GRM7: variants seen among roughly 807,000 people sequenced by gnomAD.
GRM7 encodes the protein glutamate metabotropic receptor 7.
In GRM7, 35 loss-of-function variants were observed where a neutral mutation model predicts 84.5. The ratio of observed to expected loss-of-function variants is 0.41; its 90% CI spans 0.32 to 0.55. The LOEUF (loss-of-function observed/expected upper bound fraction) is 0.55. Among genes scored for constraint, GRM7 ranks in the 20% least tolerant of loss-of-function variants. The pLI, the probability that GRM7 is intolerant of heterozygous loss-of-function variation, is 0.19. For synonymous variants in GRM7, 487 were observed against 455.1 expected (o/e 1.07, Z -0.89); for missense variants, 1,003 against 1,194.6 (o/e 0.84, Z 2.36).
chr3:7,321,573 A>G (rs1407133044), intron 4 of GRM7, among the ~76,000 whole-genome samples: 1 of 151,004 alleles, frequency 6.6e-6, no homozygotes, highest in Non-Finnish European at 1.5e-5. Flanking sequence ...ATTTTATTTC[A>G]TAGTTTAACA....
At chr3:7,259,949 A>ATTTTTTTTT (rs1698349793) in intron 2 of GRM7, among the ~76,000 whole-genome samples, 1 of 12,438 alleles carries the variant, frequency 8.0e-5, no homozygotes, top group Non-Finnish European at 1.2e-4. Context: ...CCTTACCAGC[A>ATTTTTTTTT]TCTGTTTTTT....
At chr3:7,091,016 T>C (rs1398629735) in intron 1 of GRM7, among the ~76,000 whole-genome samples, 1 of 152,132 alleles carries the variant, frequency 6.6e-6, no homozygotes, top group African/African-American at 2.4e-5. Flanking sequence ...ATAATTAACA[T>C]ATTAAATGTA....
chr3:7,110,012 A>C (rs1330154603), intron 1 of GRM7, among the ~76,000 whole-genome samples: 2 of 152,132 alleles, frequency 1.3e-5, no homozygotes, highest in African/African-American at 4.8e-5. Context: ...CTACAAATGT[A>C]CTTCAGTACA....
At chr3:7,367,282 C>T (rs972272672) in intron 4 of GRM7, among the ~76,000 whole-genome samples, 3 of 151,664 alleles carry the variant, frequency 2.0e-5, no homozygotes, top group Middle Eastern at 3.2e-3. Flanking sequence ...TGTACGACAC[C>T]ATTGCTATAT....
At chr3:7,391,040 T>C (rs1281076748) in intron 4 of GRM7, among the ~76,000 whole-genome samples, 1 of 152,096 alleles carries the variant, frequency 6.6e-6, no homozygotes, top group Non-Finnish European at 1.5e-5. Context: ...TCTTGATTTT[T>C]TTTTCTTTTT....
Position 7,370,265 on chromosome 3 carries a change from T to C in GRM7, c.1034-44758T>C, listed in dbSNP as rs187062483. On this transcript the variant is annotated intron_variant, in intron 4 of 9. Transcript: ENST00000357716. ...TCATAAGATCCCCAATGCCCATCAG[T>C]ATTAAGTGTTGATGTGATTCCTCCT... is the stretch of plus-strand genomic sequence containing the variant. Among the ~76,000 whole-genome samples the C allele has an allele frequency of 2.0e-3, 305 of 152,250 alleles. 1 individual carries two copies. Among genetic ancestry groups the C allele is most frequent in the African/African-American group, 7.0e-3 (292 of 41,560 alleles).
chr3:7,104,229 T>TTTTTC (rs758468460), intron 1 of GRM7, among the ~76,000 whole-genome samples: 13 of 151,550 alleles, frequency 8.6e-5, no homozygotes, highest in East Asian at 7.8e-4. Flanking sequence ...AGTGCCTTTT[T>TTTTTC]TTTTCTTTTC....
chr3:7,244,111 G>T (rs1030673573), intron 2 of GRM7, among the ~76,000 whole-genome samples: 1 of 151,994 alleles, frequency 6.6e-6, no homozygotes, highest in African/African-American at 2.4e-5. Context: ...GTACACTTAG[G>T]CTACACTAAA....
At chr3:6,952,447 C>T (rs949816184) in intron 1 of GRM7, among the ~76,000 whole-genome samples, 3 of 152,100 alleles carry the variant, frequency 2.0e-5, no homozygotes, top group African/African-American at 7.2e-5. Flanking sequence ...TTGTGTGCAG[C>T]TCTATTATTT....
chr3:7,184,798 C>G (rs181518103), intron 2 of GRM7, among the ~76,000 whole-genome samples: 49 of 152,140 alleles, frequency 3.2e-4, no homozygotes, highest in Non-Finnish European at 3.8e-4. Flanking sequence ...ATTTGACATC[C>G]CTTTGCTGAC....
chr3:6,990,234 G>C (rs1491003752), intron 1 of GRM7, among the ~76,000 whole-genome samples: 1 of 150,634 alleles, frequency 6.6e-6, no homozygotes, highest in African/African-American at 2.5e-5. Flanking sequence ...AAAGATGTTG[G>C]TCCCCCAGCC....
At chr3:7,344,361 T>A (rs1028157127) in intron 4 of GRM7, among the ~76,000 whole-genome samples, 21 of 152,174 alleles carry the variant, frequency 1.4e-4, no homozygotes, top group African/African-American at 4.6e-4. Context: ...TTTCTATTCT[T>A]GTGTTAGTTT....
intron 8 of GRM7, among the ~76,000 whole-genome samples, chr3:7,615,762 C>G (rs533329574): frequency 6.6e-6 from 1 of 152,078 alleles, no homozygotes; most frequent in South Asian, 2.1e-4. Context: ...ACTCAAAATA[C>G]CAGGCTTGCC....
At chr3:7,229,429 G>C (rs1312499416) in intron 2 of GRM7, among the ~76,000 whole-genome samples, 2 of 151,632 alleles carry the variant, frequency 1.3e-5, no homozygotes, top group Non-Finnish European at 2.9e-5. Context: ...CAGGTCCAAC[G>C]CCTTACCTAG....
intron 1 of GRM7, among the ~76,000 whole-genome samples, chr3:7,024,154 G>T (rs1406878979): frequency 6.6e-6 from 1 of 152,122 alleles, no homozygotes; most frequent in African/African-American, 2.4e-5. Context: ...GGCAGCAGTG[G>T]TTTCTCTTCA....
chr3:7,678,616 A>G (rs1423263957), intron 8 of GRM7, among the ~76,000 whole-genome samples: 1 of 152,238 alleles, frequency 6.6e-6, no homozygotes, highest in Non-Finnish European at 1.5e-5. Context: ...AAGAGTCATT[A>G]ATTCAACATT....
chr3:6,893,996 T>C (rs1696072325), intron 1 of GRM7: 1 of 152,156 alleles, frequency 6.6e-6, no homozygotes, highest in African/African-American at 2.4e-5. Flanking sequence ...TCCATTACGG[T>C]AAATGTCAGT....
intron 4 of GRM7, among the ~76,000 whole-genome samples, chr3:7,362,516 T>G (rs183261918): frequency 4.5e-4 from 68 of 152,182 alleles, no homozygotes; most frequent in South Asian, 2.9e-3. Flanking sequence ...CAGCTAGTTA[T>G]TTTAAGTTAA....
intron 7 of GRM7, among the ~76,000 whole-genome samples, chr3:7,568,347 C>T (rs1379708446): frequency 3.9e-5 from 6 of 152,212 alleles, no homozygotes; most frequent in African/African-American, 1.2e-4. Flanking sequence ...ATTTACACTT[C>T]CACGTGGCTG....
Sources: allele counts gnomAD v4.1 joint callset (sites outside exome capture counted in the v4.1 genomes callset), GRCh38; gene constraint gnomAD v4.1.1; transcripts MANE v1.5; gene names NCBI Gene and HGNC (gene_info 2026-07-23, HGNC 2026-07-21).